Variants in SH2D5 observed in about 807,000 individuals in gnomAD.
SH2D5 encodes SH2 domain containing 5.
SH2D5 carries 45 observed loss-of-function variants against 48.2 expected under a neutral mutation model. That is an observed-to-expected ratio of 0.93 (90% CI 0.73 to 1.20). The LOEUF is 1.20. SH2D5 is among the 50% of genes most tolerant of loss of function. The probability of loss-of-function intolerance (pLI) is 0.00; values close to 1 mark genes in which losing one functional copy is unlikely to be tolerated. For missense variants in SH2D5, 538 were observed against 584.1 expected (o/e 0.92, Z 0.81); for synonymous variants, 230 against 249.8 (o/e 0.92, Z 0.75).
At chr1:20,722,725 G>T (rs2054710249) in intron 9 of SH2D5, 31 bp downstream of exon 9, 4 of 1,430,532 alleles carry the variant, frequency 2.8e-6, no homozygotes, top group Non-Finnish European at 3.7e-6. Flanking sequence ...ATGCGGCAGG[G>T]CCCAGGCCCC....
At chr1:20,725,479 A>T (rs1435200928) in intron 5 of SH2D5, among the ~76,000 whole-genome samples, 1 of 152,076 alleles carries the variant, frequency 6.6e-6, no homozygotes, top group Non-Finnish European at 1.5e-5. Flanking sequence ...CTCTCAAAGA[A>T]CTCAGGTGCC....
In SH2D5 at chr1:20,721,649, G is replaced by T; in HGVS notation, c.*143C>A. ...CCCACCCTCAGGGCTCCCCTCCCAC[G>T]GACAGTGACGCGATGGAAGACTGCT... On this transcript the variant is annotated 3_prime_UTR_variant, in exon 10 of 10. Coordinates refer to ENST00000444387, the MANE Select transcript of SH2D5 (RefSeq NM_001103161.2). 1 of 743,164 alleles carries T rather than the reference G, an allele frequency of 1.3e-6. No homozygotes were observed. The highest frequency in any genetic ancestry group is 2.1e-6 in the Non-Finnish European group (1 of 485,566). The allele number at this position is 743,164 out of a possible 1,614,324, so 46.0% of individuals were successfully genotyped here.
chr1:20,726,720 C>T (rs975145320), intron 4 of SH2D5, among the ~76,000 whole-genome samples: 1 of 152,132 alleles, frequency 6.6e-6, no homozygotes, highest in African/African-American at 2.4e-5. Flanking sequence ...GCTGCGAGAG[C>T]CTCAGTGGGC....
At chr1:20,724,368 C>A (rs997337477) in intron 6 of SH2D5, 28 bp downstream of exon 6, 2 of 1,608,904 alleles carry the variant, frequency 1.2e-6, no homozygotes, top group African/African-American at 2.7e-5. Context: ...TTGTCCACTG[C>A]CCACTCCTTG....
At position 20,727,116 on chromosome 1, in the gene SH2D5, G is replaced by A. The variant is rs779788866; in HGVS notation, c.169-41C>T. The A allele has an allele frequency of 2.6e-6, 4 of 1,559,178 alleles. No individual in the cohort carries two copies. The African/African-American group carries it at 4.0e-5, about 16-fold the overall frequency. The stretch of plus-strand genomic sequence containing the variant: ...TAGTGGGGACAGGCACCACCTCCCA[G>A]ACCCTGCCTTGGCCTGCCCAGCCTC... On this transcript the variant is annotated intron_variant, in intron 3 of 9. Transcript: ENST00000444387.
At chr1:20,724,309 A>G in intron 6 of SH2D5, 58 bp from the exon 7 acceptor site, 1 of 1,603,248 alleles carries the variant, frequency 6.2e-7, no homozygotes, top group East Asian at 2.2e-5. Flanking sequence ...ATGTCAGGCC[A>G]AGTGAAGCCC....
rs1231985458 is a variant in SH2D5, at chr1:20,720,260, A to G, written c.*1532T>C. On this transcript the variant is annotated 3_prime_UTR_variant, in exon 10 of 10. Transcript: ENST00000444387. ...GGGTTTCCAGTGAAAAGAAGTCCCA[A>G]AGGGCAGTTCCTTCTATCTTTTGTG... 2.0e-5 allele frequency: 3 copies of G among 152,300 alleles called. No homozygotes were observed. Among genetic ancestry groups the G allele is most frequent in the Admixed American group, 6.5e-5 (1 of 15,294 alleles). The allele number at this position is 152,300 out of a possible 1,614,324, so 9.4% of individuals were successfully genotyped here.
rs369496607 is a variant in SH2D5 at position 20,727,109 on chromosome 1, C to T, written c.169-34G>A. ...AAAAGAGTAGTGGGGACAGGCACCA[C>T]CTCCCAGACCCTGCCTTGGCCTGCC... On this transcript the variant is annotated intron_variant, in intron 3 of 9. Coordinates refer to ENST00000444387, the MANE Select transcript of SH2D5 (RefSeq NM_001103161.2). 41 of 1,568,948 alleles carry T rather than the reference C, an allele frequency of 2.6e-5. No homozygotes were observed. In the African/African-American group the frequency reaches 4.0e-4, roughly 15 times the overall value.
rs1206042407 is a variant in SH2D5, at chr1:20,732,649, GTTGCGCA to G, written c.-518_-512del. 6.6e-6 allele frequency: 1 copy of G among 152,258 alleles called. No individual in the cohort carries two copies. Among genetic ancestry groups the G allele is most frequent in the Non-Finnish European group, 1.5e-5 (1 of 68,088 alleles). The allele number at this position is 152,258 out of a possible 1,614,324, so 9.4% of individuals were successfully genotyped here. On this transcript the variant is annotated 5_prime_UTR_variant, in exon 1 of 10. An upstream start codon of the reference 5' UTR is lost. Transcript: ENST00000444387. The surrounding 1 kb of genome is among the most constrained non-coding windows in gnomAD (Gnocchi z 5.1). Reference sequence around the variant, plus strand: ...GCCCGGCCCTTGTGAGTGGAGGGTCGTTGCGCATCCTCCTCCTCACTTTCTTCCTGCC... The same window carrying G: ...GCCCGGCCCTTGTGAGTGGAGGGTCGTCCTCCTCCTCACTTTCTTCCTGCC...
At chr1:20,725,839 G>GC in intron 5 of SH2D5, 81 bp downstream of exon 5, 1 of 1,554,722 alleles carries the variant, frequency 6.4e-7, no homozygotes, top group Non-Finnish European at 8.7e-7. Context: ...CCCTGGCAAA[G>GC]CCCTCAAGGA....
chr1:20,723,186 T>C (rs2054723085), intron 8 of SH2D5, among the ~76,000 whole-genome samples: 1 of 152,118 alleles, frequency 6.6e-6, no homozygotes, highest in African/African-American at 2.4e-5. Flanking sequence ...GTCTCTAAAA[T>C]GAAATTTCAA....
chr1:20,723,787 CT>C, intron 7 of SH2D5, 53 bp from the exon 8 acceptor site: 2 of 1,458,434 alleles, frequency 1.4e-6, no homozygotes, highest in South Asian at 2.4e-5. Flanking sequence ...CTCCCATTCC[CT>C]GCGGCCGCAG....
intron 1 of SH2D5, among the ~76,000 whole-genome samples, chr1:20,730,595 G>A (rs2054890226): frequency 6.6e-6 from 1 of 152,162 alleles, no homozygotes; most frequent in Non-Finnish European, 1.5e-5. Context: ...TCCTTCCTAA[G>A]CCTGAGGAGC....
rs1439685258 is a variant in SH2D5 at position 20,723,638 on chromosome 1, G to A, written c.896C>T (p.Ala299Val). The A allele has an allele frequency of 1.2e-6, 2 of 1,612,546 alleles. No homozygotes were observed. Among genetic ancestry groups the A allele is most frequent in the South Asian group, 1.1e-5 (1 of 91,004 alleles). ...GSLTENIWAF[A>V]GISRPCALAL... is the part of the protein sequence containing the mutation. ...AGGCCCTTCCTACCTGGAGATGCCA[G>A]CGAAGGCCCAGATGTTCTCCGTCAG... Residue 299 changes from alanine to valine, a missense_variant, in exon 8 of 10, where the codon GCT becomes GTT. Coordinates refer to ENST00000444387, the MANE Select transcript of SH2D5 (RefSeq NM_001103161.2).
chr1:20,723,590 G>A (rs750263639), intron 8 of SH2D5, 36 bp downstream of exon 8: 3 of 1,524,450 alleles, frequency 2.0e-6, no homozygotes, highest in Admixed American at 3.4e-5. Context: ...CCCACCCCAA[G>A]GGACTGGGCG....
At chr1:20,722,505 C>T (rs1033862588) in intron 9 of SH2D5, among the ~76,000 whole-genome samples, 6 of 152,272 alleles carry the variant, frequency 3.9e-5, no homozygotes, top group East Asian at 1.9e-4. Flanking sequence ...CAGAGCAGAG[C>T]GGAGTCAACA....
At position 20,728,160 on chromosome 1, in the gene SH2D5, T is replaced by A; in HGVS notation, c.-42-74A>T. The A allele has an allele frequency of 4.3e-6, 3 of 702,368 alleles. No homozygotes were observed. In the South Asian group the frequency reaches 5.4e-5, roughly 13 times the overall value. 43.5% of individuals were successfully genotyped at this position (702,368 alleles called of 1,614,324 possible). The stretch of plus-strand genomic sequence containing the variant: ...AGAGTGCCCCCCACAGGCCATTCAT[T>A]CACTGGCTTCCTGAGCAGCTGCTAT... On this transcript the variant is annotated intron_variant, in intron 1 of 9. Coordinates refer to ENST00000444387, the MANE Select transcript of SH2D5 (RefSeq NM_001103161.2). This position sits in a 1 kb window ranked among gnomAD's most constrained non-coding sequence, Gnocchi z 4.3.
intron 3 of SH2D5, among the ~76,000 whole-genome samples, 181 bp from the exon 4 acceptor site, chr1:20,727,256 C>A (rs2054819845): frequency 6.6e-6 from 1 of 152,102 alleles, no homozygotes; most frequent in Admixed American, 6.5e-5. Flanking sequence ...TGGCAGATGA[C>A]CCCTAGCTAG....
In SH2D5 at chr1:20,728,261, C is replaced by T. The variant is rs541169923; in HGVS notation, c.-42-175G>A. On this transcript the variant is annotated intron_variant, in intron 1 of 9. Transcript: ENST00000444387. This position sits in a 1 kb window ranked among gnomAD's most constrained non-coding sequence, Gnocchi z 4.3. ...AGAAAATGATGACGTCTCTGACTGCCCTCAGGGAGCTTACTTACATTGTTG... is the reference window on the plus strand; with the variant it reads ...AGAAAATGATGACGTCTCTGACTGCTCTCAGGGAGCTTACTTACATTGTTG... Among the ~76,000 whole-genome samples the T allele has an allele frequency of 6.6e-6, 1 of 152,332 alleles. No homozygotes were observed. Among genetic ancestry groups the T allele is most frequent in the African/African-American group, 2.4e-5 (1 of 41,584 alleles).
Sources: gnomAD v4.1 joint callset for allele counts (sites outside exome capture counted in the v4.1 genomes callset) on GRCh38, gnomAD v4.1.1 for gene constraint, Gnocchi (gnomAD v3.1) non-coding constraint, MANE v1.5 for transcripts, NCBI Gene and HGNC (gene_info 2026-07-23, HGNC 2026-07-21) for gene names.